Variants in PRUNE2 observed in about 807,000 individuals in gnomAD.
PRUNE2 encodes protein prune homolog 2.
A neutral mutation model predicts 252.0 loss-of-function variants in PRUNE2; 164 were observed. The observed-to-expected ratio is 0.65, with a 90% CI of 0.57 to 0.74. The LOEUF (loss-of-function observed/expected upper bound fraction) is 0.74. Among genes scored for constraint, PRUNE2 ranks in the 30% least tolerant of loss-of-function variants. The probability of loss-of-function intolerance (pLI) is 0.00; values close to 1 mark genes in which losing one functional copy is unlikely to be tolerated. For missense variants in PRUNE2, 3,495 were observed against 3,711.0 expected, an observed-to-expected ratio of 0.94 and a Z score of 1.51; for synonymous variants, 1,292 against 1,350.2, an observed-to-expected ratio of 0.96 and a Z score of 0.94.
chr9:76,833,250 C>T (rs1360806333), intron 4 of PRUNE2, among the ~76,000 whole-genome samples: 2 of 151,894 alleles, frequency 1.3e-5, no homozygotes, highest in Non-Finnish European at 2.9e-5. Context: ...TGCATAGCCA[C>T]CAAGTAGGGC....
At position 76,707,711 on chromosome 9, in the gene PRUNE2, G is replaced by T; in HGVS notation, c.4563C>A (p.Ser1521Arg). 2.5e-6 allele frequency: 4 copies of T among 1,613,898 alleles called. No individual in the cohort carries two copies. In the African/African-American group the frequency reaches 5.3e-5, roughly 22 times the overall value. Residue 1521 changes from serine (S) to arginine (R), a missense_variant, in exon 8 of 19, where the codon AGC (serine) becomes AGA (arginine). Ser to Arg is a moderately radical substitution (Grantham distance 110, BLOSUM62 -1). Coordinates refer to ENST00000376718, the MANE Select transcript of PRUNE2 (RefSeq NM_015225.3). ...TTCCAGACGAACCGGCTCCTGGAAG[G>T]CTATTTTCAGACCCCTTAACGTCAA... is the stretch of plus-strand genomic sequence containing the variant. ...KNLDVKGSEN[S>R]LPGAGSSGNF...
At chr9:76,812,158 C>T in intron 6 of PRUNE2, among the ~76,000 whole-genome samples, 1 of 152,152 alleles carries the variant, frequency 6.6e-6, no homozygotes, top group Non-Finnish European at 1.5e-5. Flanking sequence ...AGCTCTGTGT[C>T]TCTAGCCGAA....
At chr9:76,856,501 T>G (rs1217352020) in intron 1 of PRUNE2, 2 of 152,040 alleles carry the variant, frequency 1.3e-5, no homozygotes, top group Non-Finnish European at 2.9e-5. Flanking sequence ...CAAAACCAAT[T>G]ATACTTAAGG....
At chr9:76,822,277 G>A (rs1317816542) in intron 6 of PRUNE2, among the ~76,000 whole-genome samples, 2 of 152,188 alleles carry the variant, frequency 1.3e-5, no homozygotes. Flanking sequence ...TGCATACAAT[G>A]AGAACATGCT....
chr9:76,630,854 A>G (rs1564377612), intron 15 of PRUNE2, among the ~76,000 whole-genome samples: 1 of 152,242 alleles, frequency 6.6e-6, no homozygotes, highest in Non-Finnish European at 1.5e-5. Flanking sequence ...GTGTAATGGC[A>G]AACTAATTTA....
chr9:76,678,987 G>A (rs565500252), intron 9 of PRUNE2, among the ~76,000 whole-genome samples: 1 of 152,312 alleles, frequency 6.6e-6, no homozygotes, highest in South Asian at 2.1e-4. Flanking sequence ...GAACTGCTCT[G>A]TGGTATTTTT....
Position 76,703,673 on chromosome 9 carries a change from T to C in PRUNE2, c.7940A>G (p.Asp2647Gly), listed in dbSNP as rs764938299. The change falls in exon 9 of 19, where the codon GAT becomes GGT. Residue 2647 changes from aspartate (D) to glycine (G), a missense_variant. Physicochemically the swap from Asp to Gly is moderately conservative, Grantham distance 94 (BLOSUM62 -1). Coordinates refer to ENST00000376718, the MANE Select transcript of PRUNE2 (RefSeq NM_015225.3). ...CCACCCAGGCCCTGAGTCCCTGGCA[T>C]CCAGTGATGGATCACCAACCTCACT... ...GHSEVGDPSL[D>G]ARDSGPGWSG... is the part of the protein sequence containing the mutation. The C allele has an allele frequency of 7.4e-6, 12 of 1,612,744 alleles. No homozygotes were observed. The African/African-American group carries it at 1.2e-4, about 16-fold the overall frequency.
At chr9:76,796,918 T>A (rs1589276493) in intron 6 of PRUNE2, among the ~76,000 whole-genome samples, 1 of 152,300 alleles carries the variant, frequency 6.6e-6, no homozygotes, top group East Asian at 1.9e-4. Context: ...TGGATCTTGA[T>A]CCTGCCAGCT....
rs1025231227 is a variant in PRUNE2, at chr9:76,707,645, T to G, written c.4629A>C (p.Ser1543=). Residue 1543 remains serine (S), a synonymous_variant, in exon 8 of 19, where the codon TCA becomes TCC. Coordinates refer to ENST00000376718, the MANE Select transcript of PRUNE2 (RefSeq NM_015225.3). ...CATTTAACTCAGGACTTGATGCACT[T>G]GAATGAGTATACTCACTAGAAATAG... The part of the protein sequence containing the change: ...RDTISSEYTH[S]SASSPELNDS... 6.2e-7 allele frequency: 1 copy of G among 1,613,888 alleles called. No individual in the cohort carries two copies. The highest frequency in any genetic ancestry group is 8.5e-7 in the Non-Finnish European group (1 of 1,179,822).
chr9:76,628,341 A>AC (rs1835868219), intron 16 of PRUNE2, among the ~76,000 whole-genome samples: 2 of 152,310 alleles, frequency 1.3e-5, no homozygotes, highest in Middle Eastern at 3.4e-3. Context: ...ATACTGCGTT[A>AC]CCCTCTATTG....
intron 6 of PRUNE2, among the ~76,000 whole-genome samples, chr9:76,726,270 A>G (rs1355164771): frequency 2.0e-5 from 3 of 152,240 alleles, no homozygotes; most frequent in Non-Finnish European, 4.4e-5. Context: ...CAAATCACAG[A>G]CACCACACCA....
intron 1 of PRUNE2, among the ~76,000 whole-genome samples, chr9:76,890,314 G>A (rs1186808642): frequency 2.6e-5 from 4 of 152,150 alleles, no homozygotes; most frequent in Non-Finnish European, 5.9e-5. Flanking sequence ...TGCTGAAGGG[G>A]GAGTGATAAG....
intron 4 of PRUNE2, among the ~76,000 whole-genome samples, chr9:76,831,295 C>T (rs930678079): frequency 6.4e-5 from 6 of 93,738 alleles, no homozygotes; most frequent in Admixed American, 2.2e-4. Context: ...TGAAAGTATG[C>T]GTCACAAGAT....
At chr9:76,833,456 T>C (rs1212439225) in intron 4 of PRUNE2, among the ~76,000 whole-genome samples, 2 of 152,168 alleles carry the variant, frequency 1.3e-5, no homozygotes, top group Non-Finnish European at 2.9e-5. Flanking sequence ...CCTTATTTGA[T>C]GAATGGCATT....
intron 15 of PRUNE2, among the ~76,000 whole-genome samples, chr9:76,629,591 A>G (rs556932727): frequency 1.4e-5 from 2 of 142,700 alleles, no homozygotes; most frequent in Non-Finnish European, 3.0e-5. Flanking sequence ...CGTATGTATT[A>G]CTTCACATGC....
chr9:76,769,968 A>T (rs1004705230), intron 6 of PRUNE2, among the ~76,000 whole-genome samples: 1 of 152,218 alleles, frequency 6.6e-6, no homozygotes, highest in African/African-American at 2.4e-5. Flanking sequence ...TATTATAAAG[A>T]TTAACTAGAC....
chr9:76,904,552 A>C (rs1346079939), intron 1 of PRUNE2, among the ~76,000 whole-genome samples: 1 of 152,214 alleles, frequency 6.6e-6, no homozygotes, highest in African/African-American at 2.4e-5. Flanking sequence ...CTTCATTACT[A>C]GGTAAAGAAC....
rs1275379969 is a variant in PRUNE2, at chr9:76,706,890, G to C, written c.5384C>G (p.Thr1795Arg). The C allele has an allele frequency of 1.3e-6, 2 of 1,598,930 alleles. No individual in the cohort carries two copies. Residue 1795 changes from threonine to arginine, a missense_variant, in exon 8 of 19, where the codon ACA becomes AGA. Coordinates refer to ENST00000376718, the MANE Select transcript of PRUNE2 (RefSeq NM_015225.3). ...EKRSSPETGTTGDVAWQISPK... is the reference protein window; with the variant it reads ...EKRSSPETGTRGDVAWQISPK... ...AGATATTTGCCATGCAACATCTCCT[G>C]TTGTCCCTGTTTCTGGAGAAGATCT...
chr9:76,760,665 C>T (rs1411804031), intron 6 of PRUNE2, among the ~76,000 whole-genome samples: 3 of 152,172 alleles, frequency 2.0e-5, no homozygotes, highest in Non-Finnish European at 4.4e-5. Flanking sequence ...CACATCACAG[C>T]CACGTCCTAC....
Sources: allele counts gnomAD v4.1 joint callset (sites outside exome capture counted in the v4.1 genomes callset), GRCh38; gene constraint gnomAD v4.1.1; transcripts MANE v1.5; gene names NCBI Gene and HGNC (gene_info 2026-07-23, HGNC 2026-07-21).